The following TENT4B variants were observed in gnomAD, a reference collection of about 807,000 sequenced individuals.
The protein encoded by TENT4B is PAP associated domain containing 5.
Under a neutral mutation model 75.0 loss-of-function variants are expected in TENT4B, and 10 were observed. The ratio of observed to expected loss-of-function variants is 0.13; its 90% CI spans 0.08 to 0.23. The LOEUF (loss-of-function observed/expected upper bound fraction) is 0.23. TENT4B is among the 10% of genes least tolerant of loss of function. The pLI, the probability that TENT4B is intolerant of heterozygous loss-of-function variation, is 1.00. For synonymous variants in TENT4B, 350 were observed against 357.7 expected, an observed-to-expected ratio of 0.98 and a Z score of 0.24; for missense variants, 579 against 893.8, an observed-to-expected ratio of 0.65 and a Z score of 4.49.
intron 1 of TENT4B, among the ~76,000 whole-genome samples, chr16:50,160,756 A>AT (rs535898027): frequency 3.9e-5 from 6 of 152,068 alleles, no homozygotes; most frequent in Admixed American, 2.6e-4. Flanking sequence ...AATTAAAGTA[A>AT]TTTTTTTTCC....
intron 11 of TENT4B, among the ~76,000 whole-genome samples, chr16:50,228,690 C>T (rs549397725): frequency 6.6e-6 from 1 of 152,336 alleles, no homozygotes; most frequent in East Asian, 1.9e-4. Context: ...CAGACACAGA[C>T]TTATCACAAA....
At chr16:50,176,354 C>G (rs117800418) in intron 1 of TENT4B, among the ~76,000 whole-genome samples, 5 of 151,222 alleles carry the variant, frequency 3.3e-5, no homozygotes. Context: ...CAAAGTGCTG[C>G]GATTACAGGC....
intron 1 of TENT4B, among the ~76,000 whole-genome samples, chr16:50,184,291 T>G (rs541108441): frequency 1.6e-4 from 24 of 152,360 alleles, no homozygotes; most frequent in Admixed American, 3.3e-4. Context: ...GGCTGGGTAA[T>G]ATTCCATTGT....
chr16:50,159,592 G>T (rs1173696212), intron 1 of TENT4B, among the ~76,000 whole-genome samples: 1 of 152,008 alleles, frequency 6.6e-6, no homozygotes, highest in Non-Finnish European at 1.5e-5. Context: ...GTTACTGCTG[G>T]GCTCCAAAGC....
In TENT4B at chr16:50,187,640, C is replaced by T. The variant is rs150183327; in HGVS notation, c.639-23683C>T. The stretch of plus-strand genomic sequence containing the variant: ...TTTTGCCTGTGGATATCCAGTTTTC[C>T]CATCACTATTTGTTGAAAAGACTAT... On this transcript the variant is annotated intron_variant, in intron 1 of 11. Coordinates refer to ENST00000561678, the MANE Select transcript of TENT4B (RefSeq NM_001365324.3). 3.3e-5 allele frequency among the ~76,000 whole-genome samples: 5 copies of T among 152,136 alleles called. No individual in the cohort carries two copies. In the East Asian group the frequency reaches 7.7e-4, roughly 24 times the overall value.
chr16:50,225,829 C>T (rs554281712), intron 10 of TENT4B, among the ~76,000 whole-genome samples: 2 of 150,952 alleles, frequency 1.3e-5, no homozygotes, highest in Non-Finnish European at 3.0e-5. Context: ...ATTACAGGTG[C>T]GTACCACCAT....
At position 50,229,845 on chromosome 16, in the gene TENT4B, A is replaced by T; in HGVS notation, c.*517A>T. ...ATTGTGTGTATATATAGAAGACCAT[A>T]TAGGAGATTGATATTTGTAATAGTG... On this transcript the variant is annotated 3_prime_UTR_variant, in exon 12 of 12. Coordinates refer to ENST00000561678, the MANE Select transcript of TENT4B (RefSeq NM_001365324.3). 4 of 911,568 alleles carry T rather than the reference A, an allele frequency of 4.4e-6. No individual in the cohort carries two copies. Among genetic ancestry groups the T allele is most frequent in the Non-Finnish European group, 5.2e-6 (4 of 762,614 alleles). 56.5% of individuals were successfully genotyped at this position (911,568 alleles called of 1,614,324 possible). A position where few individuals can be genotyped will look rare whatever the true frequency, so the allele number is the denominator to read the frequency against.
intron 1 of TENT4B, among the ~76,000 whole-genome samples, chr16:50,183,632 A>G (rs1299896666): frequency 1.3e-5 from 2 of 151,402 alleles, no homozygotes; most frequent in East Asian, 3.9e-4. Context: ...CCATTGAATT[A>G]GAAAATTGTG....
chr16:50,215,064 C>T (rs1034781138), intron 3 of TENT4B, among the ~76,000 whole-genome samples: 3 of 152,200 alleles, frequency 2.0e-5, no homozygotes, highest in African/African-American at 7.2e-5. Flanking sequence ...CTTGGCCTTT[C>T]AGGACTGTTG....
chr16:50,182,455 T>C lies in TENT4B; in HGVS notation c.638+28196T>C, dbSNP rs576728219. On this transcript the variant is annotated intron_variant, in intron 1 of 11. Transcript: ENST00000561678. Reference sequence around the variant, plus strand: ...TACCTCTTCGTTATAAAGTATCAACTATTTCTTAGTCCCCTTAAGCTGATA... The same window carrying C: ...TACCTCTTCGTTATAAAGTATCAACCATTTCTTAGTCCCCTTAAGCTGATA... 3.9e-5 allele frequency among the ~76,000 whole-genome samples: 6 copies of C among 152,352 alleles called. No individual in the cohort carries two copies. The East Asian group carries it at 9.6e-4, about 24-fold the overall frequency.
rs915363567 is a variant in TENT4B, at chr16:50,153,966, C to G, written c.345C>G (p.His115Gln). The change falls in exon 1 of 12, where the codon CAC becomes CAG. Residue 115 changes from histidine (H) to glutamine (Q), a missense_variant. His to Gln is a conservative substitution (Grantham distance 24). Around this residue, in one of 7 missense-constraint regions of TENT4B, gnomAD observed 253 missense variants for 270.1 expected, o/e 0.94. Coordinates refer to ENST00000561678, the MANE Select transcript of TENT4B (RefSeq NM_001365324.3). ...AGACGACCAACAACAACAACAACCA[C>G]CACCAGCCCGGGGCCTGGGCCCGCC... ...PLETTNNNNN[H>Q]HQPGAWARRA... 3 of 1,534,054 alleles carry G rather than the reference C, an allele frequency of 2.0e-6. No homozygotes were observed. In the African/African-American group the frequency reaches 4.1e-5, roughly 21 times the overall value.
rs369180729 is a variant in TENT4B at position 50,171,197 on chromosome 16, T to G, written c.638+16938T>G. 1.2e-4 allele frequency among the ~76,000 whole-genome samples: 19 copies of G among 152,218 alleles called. No homozygotes were observed. In the South Asian group the frequency reaches 3.9e-3, roughly 32 times the overall value. ...AGGAGGGTTGCTTGAGCCCAGGAGT[T>G]TGAGACCAGCCTGGAAACCATAGCA... is the stretch of plus-strand genomic sequence containing the variant. On this transcript the variant is annotated intron_variant, in intron 1 of 11. Transcript: ENST00000561678.
Position 50,232,202 on chromosome 16 carries a change from C to G in TENT4B, c.*2874C>G. ...TTTTTTCCCTCCAGCTTTAAGGTGA[C>G]TGTGAAGGTGCCTGGTTTTGAATGT... is the stretch of plus-strand genomic sequence containing the variant. On this transcript the variant is annotated 3_prime_UTR_variant, in exon 12 of 12. Transcript: ENST00000561678. The G allele has an allele frequency of 1.0e-6, 1 of 985,330 alleles. No homozygotes were observed. Among genetic ancestry groups the G allele is most frequent in the Non-Finnish European group, 1.2e-6 (1 of 829,924 alleles). The allele number at this position is 985,330 out of a possible 1,614,324, so 61.0% of individuals were successfully genotyped here.
At position 50,233,696 on chromosome 16, in the gene TENT4B, A is replaced by G. The variant is rs2150758080; in HGVS notation, c.*4368A>G. On this transcript the variant is annotated 3_prime_UTR_variant, in exon 12 of 12. Coordinates refer to ENST00000561678, the MANE Select transcript of TENT4B (RefSeq NM_001365324.3). ...CTCTCAGGTTTTTGGTTTTTTTAAA[A>G]AAAATGTGTTTGGCCTTTACATTTT... 1.0e-6 allele frequency: 1 copy of G among 985,040 alleles called. No homozygotes were observed. Among genetic ancestry groups the G allele is most frequent in the East Asian group, 1.1e-4 (1 of 8,812 alleles). The allele number at this position is 985,040 out of a possible 1,614,324, so 61.0% of individuals were successfully genotyped here. A position where few individuals can be genotyped will look rare whatever the true frequency, so the allele number is the denominator to read the frequency against.
chr16:50,223,164 C>T lies in TENT4B; in HGVS notation c.1168-10C>T, dbSNP rs2031905037. ...AAAATCCAATATAATTTCTTCTTTT[C>T]TGCTTTTAGTTACATCCCAGGGAAG... is the stretch of plus-strand genomic sequence containing the variant. On this transcript the variant is annotated splice_polypyrimidine_tract_variant and intron_variant, in intron 6 of 11. Transcript: ENST00000561678. The T allele has an allele frequency of 6.4e-7, 1 of 1,565,562 alleles. No homozygotes were observed. Among genetic ancestry groups the T allele is most frequent in the Non-Finnish European group, 8.7e-7 (1 of 1,152,464 alleles).
intron 1 of TENT4B, among the ~76,000 whole-genome samples, chr16:50,194,763 T>A (rs1233048950): frequency 1.4e-5 from 2 of 145,332 alleles, no homozygotes; most frequent in African/African-American, 5.1e-5. Context: ...TTTTTTTTTT[T>A]TTTGAGACGG....
intron 1 of TENT4B, among the ~76,000 whole-genome samples, chr16:50,183,387 G>C (rs975833176): frequency 7.2e-5 from 11 of 151,830 alleles, no homozygotes; most frequent in African/African-American, 2.7e-4. Flanking sequence ...TGGGATTTTT[G>C]CCTGGTGTGT....
chr16:50,164,310 T>C (rs1597222314), intron 1 of TENT4B, among the ~76,000 whole-genome samples: 1 of 77,128 alleles, frequency 1.3e-5, no homozygotes, highest in East Asian at 4.7e-4. Context: ...GTTGTTGTTC[T>C]TTTGTTGTTG....
At chr16:50,178,361 C>T (rs2038349293) in intron 1 of TENT4B, among the ~76,000 whole-genome samples, 1 of 151,536 alleles carries the variant, frequency 6.6e-6, no homozygotes, top group Non-Finnish European at 1.5e-5. Context: ...GGGAGGATTG[C>T]TTGAGCCCTG....
Sources: allele counts gnomAD v4.1 joint callset (sites outside exome capture counted in the v4.1 genomes callset), GRCh38; gene constraint gnomAD v4.1.1; regional missense constraint gnomAD v4.1.1; transcripts MANE v1.5; gene names NCBI Gene and HGNC (gene_info 2026-07-23, HGNC 2026-07-21).